Variants in AFF3 observed in about 807,000 individuals in gnomAD.
The protein encoded by AFF3 is AF4/FMR2 family member 3.
AFF3 carries 32 observed loss-of-function variants against 129.7 expected under a neutral mutation model. The ratio of observed to expected loss-of-function variants is 0.25; its 90% CI spans 0.19 to 0.33. AFF3 has a LOEUF of 0.33. Among genes scored for constraint, AFF3 ranks in the 10% least tolerant of loss-of-function variants. The pLI is 1.00. For synonymous variants in AFF3, 644 were observed against 635.4 expected, an observed-to-expected ratio of 1.01 and a Z score of -0.20; for missense variants, 1,373 against 1,592.0, an observed-to-expected ratio of 0.86 and a Z score of 2.34.
chr2:100,077,461 C>T (rs1020198090), intron 4 of AFF3, among the ~76,000 whole-genome samples: 3 of 152,078 alleles, frequency 2.0e-5, no homozygotes, highest in Admixed American at 1.3e-4. Flanking sequence ...AGATTCTCCC[C>T]TAGATCCTCC....
At chr2:99,677,975 C>T (rs373928778) in intron 11 of AFF3, among the ~76,000 whole-genome samples, 7 of 152,294 alleles carry the variant, frequency 4.6e-5, no homozygotes, top group South Asian at 2.1e-4. Context: ...CCGGCTACCA[C>T]GCCTGGCCAA....
At chr2:99,646,814 A>G (rs1331116757) in intron 13 of AFF3, among the ~76,000 whole-genome samples, 1 of 152,240 alleles carries the variant, frequency 6.6e-6, no homozygotes, top group South Asian at 2.1e-4. Context: ...CTACTTAAAA[A>G]CTAGAAAATA....
chr2:99,864,522 G>A (rs1576220393), intron 7 of AFF3, among the ~76,000 whole-genome samples: 1 of 152,164 alleles, frequency 6.6e-6, no homozygotes, highest in South Asian at 2.1e-4. Context: ...CTTTGGGAGA[G>A]TCTCTCAAGT....
In AFF3 at chr2:99,593,313, G is replaced by T; in HGVS notation, c.2348C>A (p.Pro783His). Residue 783 changes from proline to histidine, a missense_variant, in exon 15 of 25, where the codon CCC becomes CAC. By Grantham distance (77) the Pro-to-His change is moderately conservative. Transcript: ENST00000672756. Reference protein sequence around the residue: ...TLLSRIPEHLPQEPGVLSAPA... With the variant: ...TLLSRIPEHLHQEPGVLSAPA... ...GGCGCTCAATACCCCTGGCTCCTGG[G>T]GCAGGTGTTCTGGGATCCTGGACAG... 6.2e-7 allele frequency: 1 copy of T among 1,614,036 alleles called. No individual in the cohort carries two copies. Among genetic ancestry groups the T allele is most frequent in the Non-Finnish European group, 8.5e-7 (1 of 1,179,978 alleles).
chr2:100,104,719 C>A, intron 3 of AFF3: 2 of 962,464 alleles, frequency 2.1e-6, no homozygotes, highest in African/African-American at 1.9e-5. Flanking sequence ...GCGAGCTCGC[C>A]GCGCCGCCGC....
At chr2:99,997,856 G>A (rs546911063) in intron 7 of AFF3, among the ~76,000 whole-genome samples, 4 of 152,126 alleles carry the variant, frequency 2.6e-5, no homozygotes, top group East Asian at 3.9e-4. Flanking sequence ...ACTCTACCAC[G>A]TCCCAGCCTC....
At chr2:99,685,012 C>T (rs1276824954) in intron 11 of AFF3, among the ~76,000 whole-genome samples, 1 of 150,368 alleles carries the variant, frequency 6.7e-6, no homozygotes, top group Non-Finnish European at 1.5e-5. Flanking sequence ...TATCTTGGCT[C>T]ACCACAACCT....
rs1427592890 is a variant in AFF3 at position 100,005,423 on chromosome 2, CAA to C, written c.873+1207_873+1208del. Among the ~76,000 whole-genome samples the C allele has an allele frequency of 3.3e-5, 5 of 152,244 alleles. No individual in the cohort carries two copies. In the East Asian group the frequency reaches 9.6e-4, roughly 29 times the overall value. On this transcript the variant is annotated intron_variant, in intron 7 of 24. Coordinates refer to ENST00000672756, the MANE Select transcript of AFF3 (RefSeq NM_001386135.1). ...GTTGTAAAAGTCAGTCACCACTGCTCAAAGATATGCCGGAATTTATTTGCTGC... is the reference window on the plus strand; with the variant it reads ...GTTGTAAAAGTCAGTCACCACTGCTCAGATATGCCGGAATTTATTTGCTGC...
At chr2:99,992,768 CGTAA>C (rs1206551856) in intron 7 of AFF3, among the ~76,000 whole-genome samples, 3 of 152,166 alleles carry the variant, frequency 2.0e-5, no homozygotes, top group Non-Finnish European at 2.9e-5. Context: ...CTCAGAAAGT[CGTAA>C]GTGAGATAAA....
intron 7 of AFF3, among the ~76,000 whole-genome samples, chr2:99,903,983 T>C (rs1694533482): frequency 6.6e-6 from 1 of 152,206 alleles, no homozygotes; most frequent in South Asian, 2.1e-4. Flanking sequence ...TTGCTAAGTT[T>C]AAAGCAACTG....
intron 7 of AFF3, among the ~76,000 whole-genome samples, chr2:99,910,064 T>C (rs550181553): frequency 6.6e-6 from 1 of 152,330 alleles, no homozygotes; most frequent in African/African-American, 2.4e-5. Context: ...AGCCGCAGTA[T>C]GTTCAATCTG....
intron 4 of AFF3, among the ~76,000 whole-genome samples, chr2:100,091,220 T>G (rs1689832427): frequency 6.6e-6 from 1 of 151,986 alleles, no homozygotes; most frequent in African/African-American, 2.4e-5. Flanking sequence ...ACCCTACAGG[T>G]AATGAAGATT....
intron 12 of AFF3, among the ~76,000 whole-genome samples, chr2:99,672,027 AT>A (rs1253632900): frequency 6.6e-6 from 1 of 152,144 alleles, no homozygotes; most frequent in Non-Finnish European, 1.5e-5. Context: ...ATTACTTTTT[AT>A]TCATCATTTT....
intron 7 of AFF3, among the ~76,000 whole-genome samples, chr2:99,931,476 C>T (rs1360188263): frequency 4.6e-5 from 7 of 152,188 alleles, no homozygotes; most frequent in Non-Finnish European, 1.0e-4. Flanking sequence ...GGTATAAACC[C>T]AGAAGGGCCC....
chr2:99,769,855 C>T (rs942116363), intron 8 of AFF3, among the ~76,000 whole-genome samples: 1 of 152,200 alleles, frequency 6.6e-6, no homozygotes, highest in African/African-American at 2.4e-5. Flanking sequence ...TGGAGTCTCT[C>T]TTTCTCCCTG....
chr2:100,120,536 T>C (rs919585709), intron 2 of AFF3, among the ~76,000 whole-genome samples: 4 of 144,412 alleles, frequency 2.8e-5, no homozygotes, highest in Non-Finnish European at 6.0e-5. Flanking sequence ...GATCCACATT[T>C]ACCCAAACAG....
At chr2:99,671,558 CTGTAAG>C (rs1687145228) in intron 12 of AFF3, among the ~76,000 whole-genome samples, 1 of 147,160 alleles carries the variant, frequency 6.8e-6, no homozygotes, top group Non-Finnish European at 1.5e-5. Flanking sequence ...CTTGTTCTCT[CTGTAAG>C]TTATTTGTAT....
At chr2:100,118,094 G>A (rs189911581) in intron 2 of AFF3, among the ~76,000 whole-genome samples, 31 of 152,208 alleles carry the variant, frequency 2.0e-4, no homozygotes, top group African/African-American at 7.2e-4. Flanking sequence ...TACTTCCTTT[G>A]ATTTCTATCT....
chr2:99,904,638 G>A (rs11884703), intron 7 of AFF3, among the ~76,000 whole-genome samples: 2,739 of 152,184 alleles, frequency 0.018, 79 homozygotes, highest in African/African-American at 0.063. Context: ...TTTTCAGGGA[G>A]GGCACTATTG....
Sources: allele counts gnomAD v4.1 joint callset (sites outside exome capture counted in the v4.1 genomes callset), GRCh38; gene constraint gnomAD v4.1.1; transcripts MANE v1.5; gene names NCBI Gene and HGNC (gene_info 2026-07-23, HGNC 2026-07-21).